The following TMEM232 variants were observed in gnomAD, a reference collection of about 807,000 sequenced individuals.
TMEM232 encodes the protein transmembrane protein 232.
A neutral mutation model predicts 78.8 loss-of-function variants in TMEM232; 80 were observed. The observed-to-expected ratio is 1.01, with a 90% CI of 0.85 to 1.22. The LOEUF (loss-of-function observed/expected upper bound fraction) is 1.22, where lower values mean the gene tolerates loss of function less well. Among genes scored for constraint, TMEM232 ranks in the 50% most tolerant of loss-of-function variants. The pLI is 0.00. For missense variants in TMEM232, 881 were observed against 742.2 expected (o/e 1.19, Z -2.17); for synonymous variants, 297 against 254.3 (o/e 1.17, Z -1.60).
chr5:110,553,316 T>C lies in TMEM232; in HGVS notation c.1455+15131A>G, dbSNP rs542879230. 5.3e-5 allele frequency among the ~76,000 whole-genome samples: 8 copies of C among 152,312 alleles called. No homozygotes were observed. The South Asian group carries it at 1.7e-3, about 32-fold the overall frequency. ...ATAACATTCAATATGCATATTGCTT[T>C]GGGCAGTATGGCCATTTAAACATTA... is the stretch of plus-strand genomic sequence containing the variant. On this transcript the variant is annotated intron_variant, in intron 11 of 13. Coordinates refer to ENST00000455884, the MANE Select transcript of TMEM232 (RefSeq NM_001039763.4).
intron 1 of TMEM232, among the ~76,000 whole-genome samples, chr5:110,717,141 G>T (rs1410815987): frequency 6.6e-6 from 1 of 151,842 alleles, no homozygotes; most frequent in African/African-American, 2.4e-5. Context: ...ATCCTCTCCT[G>T]GTCCTCTTGT....
chr5:110,538,398 CAG>C (rs1363141531), intron 11 of TMEM232, among the ~76,000 whole-genome samples: 1 of 152,036 alleles, frequency 6.6e-6, no homozygotes, highest in African/African-American at 2.4e-5. Context: ...AAAACAGGAA[CAG>C]AGTGAAGAAA....
In TMEM232 at chr5:110,394,555, C is replaced by G. The variant is rs573048869; in HGVS notation, n.390+3218G>C. ...TACTAATTTCCATTCCCATCAACAG[C>G]TTTTGTAGACACTTACAGCTATAAA... On this transcript the variant is annotated intron_variant and non_coding_transcript_variant, in intron 3 of 8. Coordinates refer to the TMEM232 transcript ENST00000507188. Among the ~76,000 whole-genome samples, 210 of 152,304 alleles carry G rather than the reference C, an allele frequency of 1.4e-3. 1 individual carries two copies. Among genetic ancestry groups the G allele is most frequent in the African/African-American group, 3.9e-3 (162 of 41,570 alleles).
intron 10 of TMEM232, among the ~76,000 whole-genome samples, chr5:110,591,111 T>C (rs1336175167): frequency 1.3e-5 from 2 of 152,120 alleles, no homozygotes; most frequent in African/African-American, 2.4e-5. Flanking sequence ...CACAAAACCA[T>C]GATTTAAATT....
intron 8 of TMEM232, chr5:110,610,466 G>A: frequency 2.6e-6 from 1 of 391,478 alleles, no homozygotes; most frequent in South Asian, 1.9e-5. Flanking sequence ...GGCAGAAGTT[G>A]GGAACACATA....
chr5:110,482,591 T>TTA (rs56779127), intron 12 of TMEM232, among the ~76,000 whole-genome samples: 2,013 of 147,410 alleles, frequency 0.014, 38 homozygotes, highest in African/African-American at 0.033. Context: ...CAAAAAAAAT[T>TTA]TATATATATA....
chr5:110,707,425 G>C (rs1263690432), intron 1 of TMEM232, among the ~76,000 whole-genome samples: 1 of 152,164 alleles, frequency 6.6e-6, no homozygotes, highest in Non-Finnish European at 1.5e-5. Context: ...AGCTCTGCTG[G>C]GCACAGCCAG....
intron 12 of TMEM232, among the ~76,000 whole-genome samples, chr5:110,489,979 C>T (rs1017336903): frequency 2.6e-5 from 4 of 151,772 alleles, no homozygotes; most frequent in Admixed American, 6.6e-5. Context: ...GAAAAATTAG[C>T]TGGGTGTGGT....
intron 2 of TMEM232, among the ~76,000 whole-genome samples, chr5:110,406,900 A>C (rs189041117): frequency 1.2e-4 from 18 of 152,238 alleles, no homozygotes; most frequent in African/African-American, 3.8e-4. Context: ...TGGTGTTCTA[A>C]GATAAGTTGC....
chr5:110,669,950 C>T (rs894226756), intron 1 of TMEM232, among the ~76,000 whole-genome samples: 2 of 152,128 alleles, frequency 1.3e-5, no homozygotes, highest in Non-Finnish European at 2.9e-5. Context: ...GCTAAAAACT[C>T]TCAATAAATT....
chr5:110,727,727 T>A (rs1798299967), upstream of TMEM232, among the ~76,000 whole-genome samples: 1 of 152,242 alleles, frequency 6.6e-6, no homozygotes, highest in Non-Finnish European at 1.5e-5. Context: ...GGAATTAAGT[T>A]TTTTTGTTTT....
chr5:110,661,901 G>A (rs1457964296), intron 2 of TMEM232, among the ~76,000 whole-genome samples: 1 of 152,074 alleles, frequency 6.6e-6, no homozygotes, highest in African/African-American at 2.4e-5. Flanking sequence ...GATTAGTGAT[G>A]TTGAGAATTT....
At chr5:110,673,990 GAA>G (rs35347916) in intron 1 of TMEM232, among the ~76,000 whole-genome samples, 84 of 127,746 alleles carry the variant, frequency 6.6e-4, no homozygotes, top group African/African-American at 2.3e-3. Flanking sequence ...GAGGTAACAT[GAA>G]AAAAAAAAAA....
At chr5:110,587,457 A>G (rs1019165723) in intron 10 of TMEM232, among the ~76,000 whole-genome samples, 10 of 151,930 alleles carry the variant, frequency 6.6e-5, no homozygotes, top group Non-Finnish European at 1.5e-4. Context: ...AGACATTAAA[A>G]CATATAACTA....
intron 2 of TMEM232, among the ~76,000 whole-genome samples, chr5:110,398,055 A>C (rs1217858904): frequency 2.0e-5 from 3 of 152,122 alleles, no homozygotes; most frequent in Non-Finnish European, 2.9e-5. Context: ...ACTATCTCCA[A>C]GCATCTTATT....
intron 5 of TMEM232, among the ~76,000 whole-genome samples, chr5:110,635,308 C>A (rs1484576906): frequency 6.6e-6 from 1 of 151,798 alleles, no homozygotes; most frequent in Non-Finnish European, 1.5e-5. Context: ...AAGTAAAAGG[C>A]GAGGGAACTC....
At position 110,605,335 on chromosome 5, in the gene TMEM232, A is replaced by C. The variant is rs1419494066; in HGVS notation, c.1050T>G (p.Asp350Glu). ...AGACTACATTCCAGGCCCAGGAAAA[A>C]TCATCTACCTTGCAACTTTCTTCCT... Reference protein sequence around the residue: ...QNQEESCKVDDFSWAWNVVYI... With the variant: ...QNQEESCKVDEFSWAWNVVYI... The change falls in exon 10 of 14, where the codon GAT becomes GAG. Residue 350 changes from aspartate to glutamate, a missense_variant. By Grantham distance (45) the Asp-to-Glu change is conservative. Coordinates refer to ENST00000455884, the MANE Select transcript of TMEM232 (RefSeq NM_001039763.4). 1 of 1,544,586 alleles carries C rather than the reference A, an allele frequency of 6.5e-7. No individual in the cohort carries two copies. Among genetic ancestry groups the C allele is most frequent in the East Asian group, 2.5e-5 (1 of 40,752 alleles).
At chr5:110,560,616 G>C (rs1775627418) in intron 11 of TMEM232, among the ~76,000 whole-genome samples, 1 of 151,450 alleles carries the variant, frequency 6.6e-6, no homozygotes, top group South Asian at 2.1e-4. Context: ...AAACCCAAGA[G>C]AAAAAAAATA....
At chr5:110,692,908 A>G (rs1794305229) in intron 1 of TMEM232, among the ~76,000 whole-genome samples, 1 of 152,232 alleles carries the variant, frequency 6.6e-6, no homozygotes, top group African/African-American at 2.4e-5. Flanking sequence ...AGGCAGCAGT[A>G]ACCTCTGCAG....
Sources: gnomAD v4.1 joint callset for allele counts (sites outside exome capture counted in the v4.1 genomes callset) on GRCh38, gnomAD v4.1.1 for gene constraint, MANE v1.5 for transcripts, NCBI Gene and HGNC (gene_info 2026-07-23, HGNC 2026-07-21) for gene names.